Variants in TTYH1 observed in about 807,000 individuals in gnomAD.
TTYH1 encodes tweety family member 1, also known as protein tweety homolog 1.
Under a neutral mutation model 61.2 loss-of-function variants are expected in TTYH1, and 33 were observed. The ratio of observed to expected loss-of-function variants is 0.54; its 90% confidence interval spans 0.41 to 0.72. The LOEUF is 0.72. TTYH1 is among the 30% of genes least tolerant of loss of function. The pLI, the probability that TTYH1 is intolerant of heterozygous loss-of-function variation, is 0.00. For missense variants in TTYH1, 538 were observed against 575.8 expected (o/e 0.93, Z 0.67); for synonymous variants, 308 against 266.4 (o/e 1.16, Z -1.52).
At chr19:54,431,073 G>T (rs1381797516) in intron 9 of TTYH1, 26 bp from the exon 10 acceptor site, 2 of 1,589,500 alleles carry the variant, frequency 1.3e-6, no homozygotes, top group Non-Finnish European at 1.7e-6. Context: ...GAGTTCGTGG[G>T]AAAACGACCC....
chr19:54,435,917 G>A, intron 12 of TTYH1, 44 bp downstream of exon 12: 1 of 1,605,786 alleles, frequency 6.2e-7, no homozygotes, highest in Non-Finnish European at 8.5e-7. Flanking sequence ...GGGGGGTCCT[G>A]AACTCCTGGG....
chr19:54,416,490 T>G lies in TTYH1; in HGVS notation c.126+812T>G. The stretch of plus-strand genomic sequence containing the variant: ...TTCGAGATTAATGAGGAGAAAGGCT[T>G]GGCTGAGCTGGGGACGGGTGGGGGT... On this transcript the variant is annotated intron_variant, in intron 1 of 13. Coordinates refer to ENST00000376530, the MANE Select transcript of TTYH1 (RefSeq NM_020659.4). This position sits in a 1 kb window ranked among gnomAD's most constrained non-coding sequence, Gnocchi z 7.0. The G allele has an allele frequency of 6.6e-6, 2 of 301,408 alleles. No homozygotes were observed. Among genetic ancestry groups the G allele is most frequent in the Non-Finnish European group, 6.5e-6 (1 of 153,992 alleles). The allele number at this position is 301,408 out of a possible 1,614,324, so 18.7% of individuals were successfully genotyped here.
chr19:54,426,673 GTGGC>G lies in TTYH1; in HGVS notation c.644_647del (p.Leu215ProfsTer28). ...TCAGCCCTACCCTCTCCCCTCCCAG[GTGGC>G]TGGCCTACGTCCTCCTGCTGCTCCT... is the stretch of plus-strand genomic sequence containing the variant. On this transcript the variant is annotated frameshift_variant and splice_region_variant, in exon 5 of 14. Coordinates refer to ENST00000376530, the MANE Select transcript of TTYH1 (RefSeq NM_020659.4). LOFTEE classifies it high-confidence loss of function. 1 of 1,613,592 alleles carries G rather than the reference GTGGC, an allele frequency of 6.2e-7. No homozygotes were observed. The highest frequency in any genetic ancestry group is 1.7e-5 in the Admixed American group (1 of 60,012).
intron 1 of TTYH1, chr19:54,418,330 C>G (rs2083132655): frequency 6.6e-6 from 1 of 152,544 alleles, no homozygotes; most frequent in South Asian, 2.1e-4. Context: ...TGTGTCTCTC[C>G]CGTCTCCATA....
intron 1 of TTYH1, 140 bp from the exon 2 acceptor site, chr19:54,418,988 C>A: frequency 1.2e-6 from 1 of 823,218 alleles, no homozygotes; most frequent in Non-Finnish European, 1.9e-6. Context: ...GGGACCCAAT[C>A]TCCCCCAAGA....
chr19:54,423,358 C>T (rs1418011730), intron 4 of TTYH1, among the ~76,000 whole-genome samples: 2 of 151,992 alleles, frequency 1.3e-5, no homozygotes, highest in Non-Finnish European at 2.9e-5. Context: ...CCACCACGCC[C>T]GGCTAATTTT....
intron 3 of TTYH1, 85 bp from the exon 4 acceptor site, chr19:54,422,105 C>T: frequency 8.9e-7 from 1 of 1,123,920 alleles, no homozygotes; most frequent in Non-Finnish European, 1.3e-6. Flanking sequence ...CTATGCACCC[C>T]TCCTTCACTT....
At chr19:54,426,637 G>T (rs1331898979) in intron 4 of TTYH1, 36 bp from the exon 5 acceptor site, 1 of 1,575,796 alleles carries the variant, frequency 6.3e-7, no homozygotes, top group Non-Finnish European at 8.7e-7. Flanking sequence ...CCTGGAGGCA[G>T]GTTTGTGGTT....
chr19:54,423,346 C>T (rs1169532114), intron 4 of TTYH1, among the ~76,000 whole-genome samples: 8 of 151,946 alleles, frequency 5.3e-5, no homozygotes, highest in East Asian at 1.9e-4. Context: ...TACAGGCAGG[C>T]GCCACCACGC....
chr19:54,415,944 G>A lies in TTYH1; in HGVS notation c.126+266G>A. On this transcript the variant is annotated intron_variant, in intron 1 of 13. Transcript: ENST00000376530. The surrounding 1 kb of genome is among the most constrained non-coding windows in gnomAD (Gnocchi z 5.2). ...ACCCCTGAGTTCATGGAGAGGAGGGGAGGGGGGCCCGGATTCCCGGGTGTC... is the reference window on the plus strand; with the variant it reads ...ACCCCTGAGTTCATGGAGAGGAGGGAAGGGGGGCCCGGATTCCCGGGTGTC... 2.9e-6 allele frequency: 3 copies of A among 1,025,652 alleles called. No individual in the cohort carries two copies. The highest frequency in any genetic ancestry group is 4.2e-6 in the Non-Finnish European group (3 of 711,618). 63.5% of individuals were successfully genotyped at this position (1,025,652 alleles called of 1,614,324 possible).
intron 10 of TTYH1, chr19:54,433,019 G>C (rs1015162546): frequency 6.6e-6 from 1 of 152,192 alleles, no homozygotes; most frequent in African/African-American, 2.4e-5. Flanking sequence ...AGCTGAGAAA[G>C]GCTGGGCCCC....
intron 4 of TTYH1, 33 bp downstream of exon 4, chr19:54,422,443 G>A: frequency 6.8e-7 from 1 of 1,478,582 alleles, no homozygotes; most frequent in Non-Finnish European, 9.1e-7. Context: ...CTCTGTGCCG[G>A]CAGCTCTCAG....
intron 4 of TTYH1, 87 bp from the exon 5 acceptor site, chr19:54,426,586 C>A: frequency 1.0e-6 from 1 of 1,000,596 alleles, no homozygotes. Context: ...AGCTGGGGGG[C>A]AGGGTGAATG....
rs905160724 is a variant in TTYH1 at position 54,420,058 on chromosome 19, G to C, written c.305+752G>C. ...CCTTTCAAGGCCACGTGGCTTAAGA[G>C]GCAGCACAGAGATTCAGACCCAGGT... is the stretch of plus-strand genomic sequence containing the variant. On this transcript the variant is annotated intron_variant, in intron 2 of 13. Coordinates refer to ENST00000376530, the MANE Select transcript of TTYH1 (RefSeq NM_020659.4). The surrounding 1 kb of genome is among the most constrained non-coding windows in gnomAD (Gnocchi z 4.8). Among the ~76,000 whole-genome samples the C allele has an allele frequency of 2.6e-5, 4 of 152,134 alleles. No individual in the cohort carries two copies. Among genetic ancestry groups the C allele is most frequent in the Admixed American group, 2.6e-4 (4 of 15,270 alleles).
At chr19:54,424,750 T>C (rs1298777668) in intron 4 of TTYH1, among the ~76,000 whole-genome samples, 1 of 152,190 alleles carries the variant, frequency 6.6e-6, no homozygotes, top group Non-Finnish European at 1.5e-5. Flanking sequence ...AAGGGAGTCT[T>C]GCTGGAGGGG....
intron 10 of TTYH1, chr19:54,433,633 C>A (rs2083482646): frequency 6.6e-6 from 1 of 150,858 alleles, no homozygotes; most frequent in South Asian, 2.1e-4. Flanking sequence ...TTTGGGAGGC[C>A]CAGTGGGGCA....
intron 4 of TTYH1, among the ~76,000 whole-genome samples, chr19:54,425,853 T>C (rs7343149): frequency 0.15 from 23,271 of 152,050 alleles, 2,062 homozygotes; most frequent in Middle Eastern, 0.29. Flanking sequence ...GTAGCTGGGA[T>C]TACAGGCGTG....
chr19:54,418,856 T>C (rs902646955), intron 1 of TTYH1: 3 of 413,140 alleles, frequency 7.3e-6, no homozygotes, highest in Admixed American at 4.2e-5. Context: ...CTGCTAAAGA[T>C]TGCACAGCCA....
At chr19:54,417,672 C>T (rs113233710) in intron 1 of TTYH1, among the ~76,000 whole-genome samples, 20 of 148,568 alleles carry the variant, frequency 1.3e-4, no homozygotes, top group African/African-American at 5.1e-4. Flanking sequence ...GTCACATACA[C>T]GTTTATACTC....
Sources: gnomAD v4.1 joint callset for allele counts (sites outside exome capture counted in the v4.1 genomes callset) on GRCh38, gnomAD v4.1.1 for gene constraint, Gnocchi (gnomAD v3.1) non-coding constraint, MANE v1.5 for transcripts, NCBI Gene and HGNC (gene_info 2026-07-23, HGNC 2026-07-21) for gene names.